Variants in PDE10A observed in about 807,000 individuals in gnomAD.
PDE10A encodes cAMP and cAMP-inhibited cGMP 3',5'-cyclic phosphodiesterase 10A.
A neutral mutation model predicts 97.7 loss-of-function variants in PDE10A; 39 were observed. The observed-to-expected ratio is 0.40, with a 90% CI of 0.31 to 0.52. The LOEUF is 0.52. Ranked by LOEUF, PDE10A falls within the 20% of genes least tolerant of loss-of-function variation. The probability of loss-of-function intolerance (pLI) is 0.56; values close to 1 mark genes in which losing one functional copy is unlikely to be tolerated. For synonymous variants in PDE10A, 371 were observed against 376.8 expected, an observed-to-expected ratio of 0.98 and a Z score of 0.18; for missense variants, 731 against 1,047.8, an observed-to-expected ratio of 0.70 and a Z score of 4.17.
At chr6:165,872,866 A>G (rs1453948737) in intron 1 of PDE10A, among the ~76,000 whole-genome samples, 2 of 152,136 alleles carry the variant, frequency 1.3e-5, no homozygotes, top group Non-Finnish European at 1.5e-5. Context: ...GGTGAATGCT[A>G]TGTGCTTGTG....
At chr6:165,701,615 T>A (rs2128443736) in intron 1 of PDE10A, among the ~76,000 whole-genome samples, 1 of 152,072 alleles carries the variant, frequency 6.6e-6, no homozygotes, top group African/African-American at 2.4e-5. Context: ...TAGCTTGGTG[T>A]CATAAAGTGG....
rs192356860 is a variant in PDE10A, at chr6:165,632,982, G to T, written c.865+28965C>A. Among the ~76,000 whole-genome samples, 1,014 of 151,512 alleles carry T rather than the reference G, an allele frequency of 6.7e-3. 15 individuals are homozygous for T. Among genetic ancestry groups the T allele is most frequent in the African/African-American group, 0.024 (975 of 41,270 alleles). On this transcript the variant is annotated intron_variant, in intron 1 of 21. Coordinates refer to ENST00000539869, the MANE Select transcript of PDE10A (RefSeq NM_001385079.1). ...CATGATTAAAGCATCACCATCACCT[G>T]TGTATTTTTCAGCAACTCAATATGC...
chr6:165,360,083 G>A (rs1259649485), intron 18 of PDE10A, among the ~76,000 whole-genome samples: 1 of 152,144 alleles, frequency 6.6e-6, no homozygotes, highest in East Asian at 1.9e-4. Context: ...TCCACAGTGT[G>A]GTCCATACCC....
At chr6:165,543,360 T>C in intron 2 of PDE10A, 80 bp downstream of exon 2, 1 of 1,231,810 alleles carries the variant, frequency 8.1e-7, no homozygotes, top group Non-Finnish European at 1.1e-6. Flanking sequence ...TATTTCACAC[T>C]CTAGAATATA....
chr6:165,496,815 A>G (rs1562521567), intron 2 of PDE10A, among the ~76,000 whole-genome samples: 1 of 152,250 alleles, frequency 6.6e-6, no homozygotes, highest in Non-Finnish European at 1.5e-5. Context: ...ACTTTTAACC[A>G]GAGGTTTAAA....
chr6:165,358,331 T>C (rs183511398), intron 18 of PDE10A, among the ~76,000 whole-genome samples: 2 of 152,222 alleles, frequency 1.3e-5, no homozygotes, highest in East Asian at 3.9e-4. Context: ...TTTGTTTACT[T>C]TTTAGTTCTG....
At chr6:165,912,400 G>T (rs1056997620) in intron 1 of PDE10A, among the ~76,000 whole-genome samples, 1 of 152,202 alleles carries the variant, frequency 6.6e-6, no homozygotes, top group Admixed American at 6.5e-5. Flanking sequence ...GAGAGGGAAA[G>T]AATCCAAGTC....
At chr6:165,984,834 C>A (rs1205127902) in intron 1 of PDE10A, among the ~76,000 whole-genome samples, 3 of 152,238 alleles carry the variant, frequency 2.0e-5, no homozygotes, top group Non-Finnish European at 4.4e-5. Context: ...TTCTTCTCAA[C>A]TCCTTCCAGT....
At chr6:165,558,459 T>C (rs1292401709) in intron 1 of PDE10A, among the ~76,000 whole-genome samples, 1 of 151,658 alleles carries the variant, frequency 6.6e-6, no homozygotes, top group Non-Finnish European at 1.5e-5. Context: ...TGTCGTGGGG[T>C]TGGGGGACGG....
At chr6:165,897,693 G>A (rs148345866) in intron 1 of PDE10A, among the ~76,000 whole-genome samples, 201 of 140,070 alleles carry the variant, frequency 1.4e-3, no homozygotes, top group African/African-American at 5.0e-3. Flanking sequence ...TGTTCATCTT[G>A]GAGTTCCGAC....
intron 1 of PDE10A, among the ~76,000 whole-genome samples, chr6:165,929,985 CG>C (rs1783075611): frequency 6.8e-6 from 1 of 146,610 alleles, no homozygotes; most frequent in Non-Finnish European, 1.5e-5. Flanking sequence ...GGCGTGAAGG[CG>C]GCAGGTGGGA....
intron 18 of PDE10A, among the ~76,000 whole-genome samples, chr6:165,359,490 C>G (rs1403377750): frequency 6.6e-6 from 1 of 152,190 alleles, no homozygotes; most frequent in African/African-American, 2.4e-5. Flanking sequence ...TTGTTTCTCC[C>G]TGGTACTTTA....
At chr6:165,380,494 T>A (rs951803226) in intron 17 of PDE10A, among the ~76,000 whole-genome samples, 5 of 152,226 alleles carry the variant, frequency 3.3e-5, no homozygotes, top group African/African-American at 4.8e-5. Flanking sequence ...AATTATTGTA[T>A]GATAAATGCA....
chr6:165,748,567 T>C (rs1477656889), intron 1 of PDE10A, among the ~76,000 whole-genome samples: 3 of 152,228 alleles, frequency 2.0e-5, no homozygotes, highest in Admixed American at 6.5e-5. Context: ...AAGGACATGA[T>C]ATAAATATTT....
At chr6:165,392,262 A>G (rs1383637030) in intron 16 of PDE10A, among the ~76,000 whole-genome samples, 4 of 152,172 alleles carry the variant, frequency 2.6e-5, no homozygotes, top group Non-Finnish European at 4.4e-5. Flanking sequence ...AAAAACACTT[A>G]TGTCTTCACA....
intron 1 of PDE10A, among the ~76,000 whole-genome samples, chr6:165,691,106 T>TCTCTCTCTCTCCC (rs143783728): frequency 5.1e-5 from 2 of 39,130 alleles, no homozygotes; most frequent in Non-Finnish European, 9.1e-5. Flanking sequence ...TCTTTCTCTC[T>TCTCTCTCTCTCCC]CCCCCCCCCC....
At position 165,491,893 on chromosome 6, in the gene PDE10A, A is replaced by G. The variant is rs115279608; in HGVS notation, c.995-9550T>C. 3.7e-3 allele frequency among the ~76,000 whole-genome samples: 569 copies of G among 152,258 alleles called. 2 individuals are homozygous for G. The highest frequency in any genetic ancestry group is 0.013 in the African/African-American group (553 of 41,554). On this transcript the variant is annotated intron_variant, in intron 2 of 21. Transcript: ENST00000539869. Reference sequence around the variant, plus strand: ...AACTAAATGAAATCGAAACAAAAAAACAAATACAAAGATAAATGAAACAAA... The same window carrying G: ...AACTAAATGAAATCGAAACAAAAAAGCAAATACAAAGATAAATGAAACAAA...
At chr6:165,357,517 G>A (rs1262297990) in intron 18 of PDE10A, among the ~76,000 whole-genome samples, 3 of 152,080 alleles carry the variant, frequency 2.0e-5, no homozygotes, top group Non-Finnish European at 4.4e-5. Context: ...CCTGAGGGAT[G>A]GGTGGTTTGT....
Position 165,418,572 on chromosome 6 carries a change from A to T in PDE10A, c.1796+63T>A. 1 of 1,490,690 alleles carries T rather than the reference A, an allele frequency of 6.7e-7. No individual in the cohort carries two copies. Among genetic ancestry groups the T allele is most frequent in the South Asian group, 1.1e-5 (1 of 87,342 alleles). 92.3% of individuals were successfully genotyped at this position (1,490,690 alleles called of 1,614,324 possible). ...CATACCTGTGAATAGGCACAGAAAA[A>T]TGGGTAACGGAACGCCTGCACATCT... On this transcript the variant is annotated intron_variant, in intron 11 of 21. Coordinates refer to ENST00000539869, the MANE Select transcript of PDE10A (RefSeq NM_001385079.1). The surrounding 1 kb of genome is among the most constrained non-coding windows in gnomAD (Gnocchi z 4.8).
Sources: gnomAD v4.1 joint callset for allele counts (sites outside exome capture counted in the v4.1 genomes callset) on GRCh38, gnomAD v4.1.1 for gene constraint, Gnocchi (gnomAD v3.1) non-coding constraint, MANE v1.5 for transcripts, NCBI Gene and HGNC (gene_info 2026-07-23, HGNC 2026-07-21) for gene names.